Variants in ETHE1 observed in about 807,000 individuals in gnomAD.
ETHE1 encodes the protein persulfide dioxygenase ETHE1, mitochondrial.
Under a neutral mutation model 25.7 loss-of-function variants are expected in ETHE1, and 16 were observed. The observed-to-expected ratio is 0.62, with a 90% CI of 0.42 to 0.95. The LOEUF is 0.95. Ranked by LOEUF, ETHE1 falls within the 40% of genes least tolerant of loss-of-function variation. The pLI is 0.00. For synonymous variants in ETHE1, 139 were observed against 135.9 expected (o/e 1.02, Z -0.16); for missense variants, 300 against 333.6 (o/e 0.90, Z 0.79).
In ETHE1 at chr19:43,511,506, C is replaced by A; in HGVS notation, c.436G>T (p.Asp146Tyr). 6.2e-7 allele frequency: 1 copy of A among 1,614,150 alleles called. No individual in the cohort carries two copies. The highest frequency in any genetic ancestry group is 1.1e-5 in the South Asian group (1 of 91,054). ...TPGCVTFVLN[D>Y]HSMAFTGDAL... Reference sequence around the variant, plus strand: ...TCTCCAGTGAAGGCCATGCTGTGGTCATTCAGGACGAAGGTGACACAGCCT... The same window carrying A: ...TCTCCAGTGAAGGCCATGCTGTGGTAATTCAGGACGAAGGTGACACAGCCT... Residue 146 changes from aspartate to tyrosine, a missense_variant, in exon 4 of 7, where the codon GAC (aspartate) becomes TAC (tyrosine). Coordinates refer to ENST00000292147, the MANE Select transcript of ETHE1 (RefSeq NM_014297.5).
chr19:43,523,951 T>C (rs1972187820), intron 3 of ETHE1, among the ~76,000 whole-genome samples: 1 of 150,512 alleles, frequency 6.6e-6, no homozygotes, highest in South Asian at 2.1e-4. Context: ...TAAATAAAAA[T>C]GTGCCTGGGC....
At chr19:43,525,733 G>A (rs145796064) in intron 3 of ETHE1, 48 of 225,210 alleles carry the variant, frequency 2.1e-4, no homozygotes, top group African/African-American at 1.0e-3. Flanking sequence ...CCCTGAGAGC[G>A]AGTGCCTCCT....
At chr19:43,525,518 G>C (rs757431067) in intron 3 of ETHE1, 1 of 152,662 alleles carries the variant, frequency 6.6e-6, no homozygotes, top group African/African-American at 2.4e-5. Flanking sequence ...TCTCTCTGAG[G>C]GCAACTCCCC....
intron 3 of ETHE1, among the ~76,000 whole-genome samples, chr19:43,514,485 C>CTTTTTT (rs767043458): frequency 1.8e-5 from 2 of 113,250 alleles, no homozygotes; most frequent in African/African-American, 3.5e-5. Flanking sequence ...TTGGGTATGT[C>CTTTTTT]TTTTTTTTTT....
intron 3 of ETHE1, among the ~76,000 whole-genome samples, chr19:43,513,040 C>G (rs370216709): frequency 4.7e-4 from 72 of 152,348 alleles, no homozygotes; most frequent in African/African-American, 1.6e-3. Flanking sequence ...AGGGTGCAAG[C>G]CCCAAGCCTT....
intron 6 of ETHE1, chr19:43,507,621 C>T (rs1273557395): frequency 2.2e-5 from 4 of 181,468 alleles, no homozygotes; most frequent in African/African-American, 5.6e-5. Flanking sequence ...AGACCCAGGA[C>T]CCCAGGCCCC....
chr19:43,522,784 T>C (rs1001135402), intron 3 of ETHE1, among the ~76,000 whole-genome samples: 1 of 152,194 alleles, frequency 6.6e-6, no homozygotes, highest in Non-Finnish European at 1.5e-5. Context: ...AAAATCCAAA[T>C]GTAGAGGCCA....
intron 3 of ETHE1, among the ~76,000 whole-genome samples, chr19:43,517,649 G>A (rs1350913120): frequency 1.3e-5 from 2 of 151,820 alleles, no homozygotes; most frequent in African/African-American, 4.8e-5. Context: ...TGGTGGTGAT[G>A]TCTGTAATCC....
In ETHE1 at chr19:43,511,537, G is replaced by A. The variant is rs1971916865; in HGVS notation, c.405C>T (p.His135=). ...FALETRASPG[H]TPGCVTFVLN... ...GGACGAAGGTGACACAGCCTGGGGT[G>A]TGGCCAGGGCTGGCCCTGGTCTCCA... is the stretch of plus-strand genomic sequence containing the variant. The change falls in exon 4 of 7, where the codon CAC becomes CAT. Residue 135 remains histidine, a synonymous_variant. Transcript: ENST00000292147. 1 of 1,614,032 alleles carries A rather than the reference G, an allele frequency of 6.2e-7. No homozygotes were observed. Among genetic ancestry groups the A allele is most frequent in the Non-Finnish European group, 8.5e-7 (1 of 1,180,026 alleles).
chr19:43,514,234 G>A (rs894520192), intron 3 of ETHE1, among the ~76,000 whole-genome samples: 5 of 152,068 alleles, frequency 3.3e-5, no homozygotes, highest in Admixed American at 6.5e-5. Flanking sequence ...GGAGGGAGCC[G>A]GTGGGAGGTA....
At chr19:43,507,785 C>A in intron 6 of ETHE1, 159 bp downstream of exon 6, 1 of 439,396 alleles carries the variant, frequency 2.3e-6, no homozygotes, top group South Asian at 2.6e-5. Context: ...TCCAGGCCCC[C>A]AGCCTCTCCT....
chr19:43,513,896 ATT>A (rs1971969249), intron 3 of ETHE1, among the ~76,000 whole-genome samples: 1 of 151,738 alleles, frequency 6.6e-6, no homozygotes, highest in South Asian at 2.1e-4. Flanking sequence ...TAATTTTTGT[ATT>A]TTTAGTATAG....
At chr19:43,512,748 A>AG (rs60170231) in intron 3 of ETHE1, among the ~76,000 whole-genome samples, 103,752 of 152,066 alleles carry the variant, frequency 0.68, 35,356 homozygotes, top group East Asian at 0.73. Context: ...GTGATAGAAA[A>AG]AAAAACCCAT....
chr19:43,521,105 C>T (rs545031951), intron 3 of ETHE1, among the ~76,000 whole-genome samples: 14 of 152,048 alleles, frequency 9.2e-5, no homozygotes, highest in African/African-American at 2.9e-4. Context: ...GGCTGAGGCA[C>T]GCAGATCACT....
At chr19:43,507,828 C>A in intron 6 of ETHE1, 116 bp downstream of exon 6, 2 of 1,070,768 alleles carry the variant, frequency 1.9e-6, no homozygotes, top group South Asian at 2.9e-5. Flanking sequence ...CCCCCAGCCC[C>A]TCCTCCCTCA....
At chr19:43,509,142 C>T (rs1293000610) in intron 4 of ETHE1, among the ~76,000 whole-genome samples, 1 of 152,114 alleles carries the variant, frequency 6.6e-6, no homozygotes, top group Non-Finnish European at 1.5e-5. Flanking sequence ...GTGACCTTGG[C>T]TGTCACCCAG....
In ETHE1 at chr19:43,526,220, G is replaced by A. The variant is rs772537157; in HGVS notation, c.356C>T (p.Ser119Phe). 1 of 1,614,182 alleles carries A rather than the reference G, an allele frequency of 6.2e-7. No homozygotes were observed. Among genetic ancestry groups the A allele is most frequent in the African/African-American group, 1.3e-5 (1 of 75,038 alleles). The stretch of plus-strand genomic sequence containing the variant: ...ACTCACGAAGCGCCCGAAGCGGATG[G>A]AGTCTCCATCCTCAATGTGTAAGTC... ...QADLHIEDGD[S>F]IRFGRFALET... The change falls in exon 3 of 7, where the codon TCC becomes TTC. Residue 119 changes from serine (S) to phenylalanine (F), a missense_variant. Coordinates refer to ENST00000292147, the MANE Select transcript of ETHE1 (RefSeq NM_014297.5).
intron 3 of ETHE1, among the ~76,000 whole-genome samples, chr19:43,513,705 G>T (rs1971964432): frequency 6.6e-6 from 1 of 150,906 alleles, no homozygotes; most frequent in Non-Finnish European, 1.5e-5. Flanking sequence ...TCTCAGATGA[G>T]ACTTTATTTT....
At chr19:43,507,044 G>C (rs954255216) in intron 6 of ETHE1, 142 bp from the exon 7 acceptor site, 2 of 814,232 alleles carry the variant, frequency 2.5e-6, no homozygotes, top group South Asian at 2.9e-5. Flanking sequence ...TCAGACCCAG[G>C]AGTCCAGTAC....
Sources: allele counts gnomAD v4.1 joint callset (sites outside exome capture counted in the v4.1 genomes callset), GRCh38; gene constraint gnomAD v4.1.1; transcripts MANE v1.5; gene names NCBI Gene and HGNC (gene_info 2026-07-23, HGNC 2026-07-21).